The following ANKRD11 variants were observed in gnomAD, a reference collection of about 807,000 sequenced individuals.
ANKRD11 encodes the protein ankyrin repeat domain 11.
ANKRD11 carries 17 observed loss-of-function variants against 195.7 expected under a neutral mutation model. The ratio of observed to expected loss-of-function variants is 0.09; its 90% CI spans 0.06 to 0.13. The LOEUF (loss-of-function observed/expected upper bound fraction) is 0.13, where lower values mean the gene tolerates loss of function less well. Ranked by LOEUF, ANKRD11 falls within the 10% of genes least tolerant of loss-of-function variation. ANKRD11 has a pLI of 1.00. For missense variants in ANKRD11, 3,735 were observed against 3,566.1 expected (o/e 1.05, Z -1.21); for synonymous variants, 1,953 against 1,528.1 (o/e 1.28, Z -6.49).
intron 2 of ANKRD11, among the ~76,000 whole-genome samples, chr16:89,393,529 C>CG (rs2041294062): frequency 1.4e-5 from 2 of 139,956 alleles, no homozygotes; most frequent in East Asian, 4.2e-4. Flanking sequence ...TAAATAGAGA[C>CG]GGGGTTTCAC....
intron 2 of ANKRD11, among the ~76,000 whole-genome samples, chr16:89,388,313 T>TTTTTTA (rs1358763967): frequency 6.8e-6 from 1 of 147,484 alleles, no homozygotes. Context: ...TTTTTTTTTT[T>TTTTTTA]TTGAGACGGA....
chr16:89,365,087 C>T (rs1007553750), intron 2 of ANKRD11, among the ~76,000 whole-genome samples: 1 of 152,112 alleles, frequency 6.6e-6, no homozygotes, highest in Non-Finnish European at 1.5e-5. Flanking sequence ...AATAAAATGG[C>T]CTCAAAAGTG....
chr16:89,433,182 G>GA (rs1182722324), intron 1 of ANKRD11, among the ~76,000 whole-genome samples: 4 of 152,160 alleles, frequency 2.6e-5, no homozygotes, highest in Non-Finnish European at 4.4e-5. Context: ...ATTTGGAAAT[G>GA]AAAAAGGAAG....
intron 4 of ANKRD11, among the ~76,000 whole-genome samples, chr16:89,295,279 C>T (rs1197350196): frequency 3.3e-5 from 5 of 152,166 alleles, no homozygotes; most frequent in South Asian, 2.1e-4. Flanking sequence ...CCAGGGAGAG[C>T]GGTGGAGGGT....
chr16:89,314,305 C>T (rs2036810785), intron 3 of ANKRD11, among the ~76,000 whole-genome samples: 1 of 152,128 alleles, frequency 6.6e-6, no homozygotes, highest in African/African-American at 2.4e-5. Context: ...CAACTGAACC[C>T]ATAACACAGC....
chr16:89,349,437 G>A lies in ANKRD11; in HGVS notation c.-59-32359C>T, dbSNP rs146959198. Reference sequence around the variant, plus strand: ...GGAGCTTACAGTGAGCTGAGATCGCGCCACTGCACTCCAGCCTGGGCGACA... The same window carrying A: ...GGAGCTTACAGTGAGCTGAGATCGCACCACTGCACTCCAGCCTGGGCGACA... On this transcript the variant is annotated intron_variant, in intron 2 of 12. Coordinates refer to ENST00000301030, the MANE Select transcript of ANKRD11 (RefSeq NM_013275.6). Among the ~76,000 whole-genome samples, 1,417 of 150,586 alleles carry A rather than the reference G, an allele frequency of 9.4e-3. 18 individuals carry two copies. The highest frequency in any genetic ancestry group is 0.032 in the African/African-American group (1,322 of 41,024).
At chr16:89,332,535 A>T (rs982352234) in intron 2 of ANKRD11, among the ~76,000 whole-genome samples, 6 of 152,230 alleles carry the variant, frequency 3.9e-5, no homozygotes, top group African/African-American at 1.4e-4. Flanking sequence ...ATTCTCACCA[A>T]CTTCCTCTAT....
At chr16:89,466,107 C>T (rs2056873512) in intron 1 of ANKRD11, among the ~76,000 whole-genome samples, 1 of 152,176 alleles carries the variant, frequency 6.6e-6, no homozygotes, top group Non-Finnish European at 1.5e-5. Context: ...GAAAAAGATG[C>T]TGGCAGAACC....
Position 89,270,802 on chromosome 16 carries a change from A to G in ANKRD11, c.7806+15T>C. On this transcript the variant is annotated intron_variant, in intron 12 of 12. Coordinates refer to ENST00000301030, the MANE Select transcript of ANKRD11 (RefSeq NM_013275.6). Reference sequence around the variant, plus strand: ...GCCTCCCCCAGGCAGAACTGAGGGGACGCGCAACACCGACCTTCATGCGGT... The same window carrying G: ...GCCTCCCCCAGGCAGAACTGAGGGGGCGCGCAACACCGACCTTCATGCGGT... 1 of 1,612,032 alleles carries G rather than the reference A, an allele frequency of 6.2e-7. No individual in the cohort carries two copies. The highest frequency in any genetic ancestry group is 8.5e-7 in the Non-Finnish European group (1 of 1,179,540).
At chr16:89,471,496 A>G (rs973697525) in intron 1 of ANKRD11, among the ~76,000 whole-genome samples, 1 of 151,728 alleles carries the variant, frequency 6.6e-6, no homozygotes, top group Non-Finnish European at 1.5e-5. Context: ...GGAGACACTT[A>G]AGATATGATT....
At chr16:89,352,128 T>C (rs2039248629) in intron 2 of ANKRD11, among the ~76,000 whole-genome samples, 1 of 152,084 alleles carries the variant, frequency 6.6e-6, no homozygotes, top group Non-Finnish European at 1.5e-5. Flanking sequence ...TGACCTCAAG[T>C]GATCCGCCTG....
intron 3 of ANKRD11, among the ~76,000 whole-genome samples, chr16:89,312,498 G>C (rs2036664105): frequency 6.6e-6 from 1 of 152,234 alleles, no homozygotes; most frequent in South Asian, 2.1e-4. Flanking sequence ...CACAGGCCGT[G>C]TGCTCTGAGC....
At chr16:89,367,837 GTC>G (rs985435607) in intron 2 of ANKRD11, among the ~76,000 whole-genome samples, 2 of 152,056 alleles carry the variant, frequency 1.3e-5, no homozygotes, top group African/African-American at 4.8e-5. Flanking sequence ...GCGAAACCCT[GTC>G]TCTACAAAAA....
chr16:89,357,078 G>C (rs1172112586), intron 2 of ANKRD11, among the ~76,000 whole-genome samples: 2 of 152,346 alleles, frequency 1.3e-5, no homozygotes, highest in African/African-American at 4.8e-5. Context: ...AATAGCCAAA[G>C]GGCAGTGGTG....
rs768109876 is a variant in ANKRD11 at position 89,283,545 on chromosome 16, C to G, written c.2997G>C (p.Pro999=). 12 of 1,612,626 alleles carry G rather than the reference C, an allele frequency of 7.4e-6. No homozygotes were observed. Among genetic ancestry groups the G allele is most frequent in the Non-Finnish European group, 1.0e-5 (12 of 1,180,030 alleles). Residue 999 remains proline, a synonymous_variant, in exon 9 of 13, where the codon CCG becomes CCC. Transcript: ENST00000301030. This position sits in a 1 kb window ranked among gnomAD's most constrained non-coding sequence, Gnocchi z 4.3. The part of the protein sequence containing the change: ...SDGDFGKGLE[P]WERHHPAREK... ...CTCGTGCTGGGTGGTGCCGTTCCCACGGCTCCAGGCCCTTCCCAAAGTCGC... is the reference window on the plus strand; with the variant it reads ...CTCGTGCTGGGTGGTGCCGTTCCCAGGGCTCCAGGCCCTTCCCAAAGTCGC...
Position 89,482,864 on chromosome 16 carries a change from G to A in ANKRD11, c.-145+7381C>T, listed in dbSNP as rs538474171. Among the ~76,000 whole-genome samples, 22 of 152,350 alleles carry A rather than the reference G, an allele frequency of 1.4e-4. 1 individual carries two copies. The South Asian group carries it at 4.4e-3, about 30-fold the overall frequency. On this transcript the variant is annotated intron_variant, in intron 1 of 12. Transcript: ENST00000301030. Reference sequence around the variant, plus strand: ...TTGAAGACTGAGGAAAGCACTACAGGCCGAATGCAGGCAGCCTCTGGAACA... The same window carrying A: ...TTGAAGACTGAGGAAAGCACTACAGACCGAATGCAGGCAGCCTCTGGAACA...
At position 89,285,273 on chromosome 16, in the gene ANKRD11, T is replaced by C; in HGVS notation, c.1269A>G (p.Gly423=). The C allele has an allele frequency of 1.9e-6, 3 of 1,613,928 alleles. No individual in the cohort carries two copies. The highest frequency in any genetic ancestry group is 2.5e-6 in the Non-Finnish European group (3 of 1,180,038). The stretch of plus-strand genomic sequence containing the variant: ...TATGTGCCGAGAGTCTCAGCTTCTC[T>C]CCTGTCCCCACGGTGACACTCGCGT... The part of the protein sequence containing the change: ...EEDASVTVGT[G]EKLRLSAHTI... Residue 423 remains glycine (G), a synonymous_variant, in exon 9 of 13, where the codon GGA becomes GGG. Transcript: ENST00000301030. This position sits in a 1 kb window ranked among gnomAD's most constrained non-coding sequence, Gnocchi z 5.6.
chr16:89,316,033 C>T (rs969042095), intron 3 of ANKRD11, among the ~76,000 whole-genome samples: 1 of 152,246 alleles, frequency 6.6e-6, no homozygotes, highest in South Asian at 2.1e-4. Flanking sequence ...GAGGGTCAGA[C>T]AGGTCACAGA....
intron 1 of ANKRD11, among the ~76,000 whole-genome samples, chr16:89,453,897 TC>T (rs1382380390): frequency 6.6e-6 from 1 of 152,036 alleles, no homozygotes; most frequent in Non-Finnish European, 1.5e-5. Flanking sequence ...ACTTCTAACT[TC>T]CCTGGGCAAG....
Sources: allele counts gnomAD v4.1 joint callset (sites outside exome capture counted in the v4.1 genomes callset), GRCh38; gene constraint gnomAD v4.1.1; non-coding constraint Gnocchi (gnomAD v3.1); transcripts MANE v1.5; gene names NCBI Gene and HGNC (gene_info 2026-07-23, HGNC 2026-07-21).